Variants in CCND3 observed in about 807,000 individuals in gnomAD.
CCND3 encodes G1/S-specific cyclin-D3.
Under a neutral mutation model 28.7 loss-of-function variants are expected in CCND3, and 9 were observed. That is an observed-to-expected ratio of 0.31 (90% CI 0.19 to 0.55). CCND3 has a LOEUF of 0.55. CCND3 is among the 20% of genes least tolerant of loss of function. The pLI, the probability that CCND3 is intolerant of heterozygous loss-of-function variation, is 0.93. For missense variants in CCND3, 315 were observed against 385.8 expected, an observed-to-expected ratio of 0.82 and a Z score of 1.54; for synonymous variants, 164 against 163.9, an observed-to-expected ratio of 1.00 and a Z score of 0.00.
intron 1 of CCND3, among the ~76,000 whole-genome samples, chr6:41,991,022 G>C (rs1050364666): frequency 1.1e-4 from 16 of 151,710 alleles, no homozygotes; most frequent in African/African-American, 3.6e-4. Flanking sequence ...ACACTCACTG[G>C]GGAAAGGATA....
chr6:42,030,782 T>C (rs1468103571), intron 1 of CCND3, among the ~76,000 whole-genome samples: 2 of 152,124 alleles, frequency 1.3e-5, no homozygotes, highest in Non-Finnish European at 2.9e-5. Context: ...TCCTGAGTAC[T>C]CACTCCTTCC....
intron 1 of CCND3, among the ~76,000 whole-genome samples, chr6:41,947,067 A>G (rs1266900517): frequency 1.3e-5 from 2 of 151,378 alleles, no homozygotes; most frequent in Non-Finnish European, 2.9e-5. Flanking sequence ...AAAATACAAA[A>G]AAAATTAGCT....
rs1329203912 is a variant in CCND3, at chr6:41,935,431, G to C, written c.*509C>G. ...CCCCTCCCTCTAGGAGCAGCTGTCA[G>C]CACGGACTACATAGGGGCCTCCAAA... On this transcript the variant is annotated 3_prime_UTR_variant, in exon 5 of 5. Transcript: ENST00000372991. The C allele has an allele frequency of 4.0e-6, 1 of 247,630 alleles. No homozygotes were observed. The highest frequency in any genetic ancestry group is 2.2e-5 in the African/African-American group (1 of 45,884). The allele number at this position is 247,630 out of a possible 1,614,324, so 15.3% of individuals were successfully genotyped here.
chr6:41,944,610 CG>C (rs1202556167), upstream of CCND3, among the ~76,000 whole-genome samples: 2 of 152,014 alleles, frequency 1.3e-5, no homozygotes, highest in Non-Finnish European at 1.5e-5. Context: ...TCAGTAGATA[CG>C]GGATTTCACC....
chr6:42,047,762 T>C (rs1562003437), intron 1 of CCND3, among the ~76,000 whole-genome samples: 2 of 152,238 alleles, frequency 1.3e-5, no homozygotes, highest in Non-Finnish European at 2.9e-5. Context: ...AATCCAGTTC[T>C]GTGGAATAAG....
intron 1 of CCND3, among the ~76,000 whole-genome samples, chr6:41,989,235 G>C (rs1762582157): frequency 1.3e-5 from 2 of 151,996 alleles, no homozygotes; most frequent in Admixed American, 1.3e-4. Flanking sequence ...AAGGCGGGTG[G>C]ATCACCTGAG....
chr6:41,953,266 CAAA>C (rs35555377), intron 1 of CCND3, among the ~76,000 whole-genome samples: 39 of 140,604 alleles, frequency 2.8e-4, no homozygotes, highest in Non-Finnish European at 3.6e-4. Flanking sequence ...CTCCCTCTCA[CAAA>C]AAAAAAAAAA....
chr6:41,981,860 G>A (rs1041239405), intron 1 of CCND3, among the ~76,000 whole-genome samples: 2 of 152,102 alleles, frequency 1.3e-5, no homozygotes, highest in African/African-American at 2.4e-5. Flanking sequence ...TCAAAGCCAG[G>A]CACAGTAGCA....
chr6:41,962,292 G>T (rs1761740517), intron 1 of CCND3, among the ~76,000 whole-genome samples: 1 of 152,056 alleles, frequency 6.6e-6, no homozygotes, highest in Non-Finnish European at 1.5e-5. Context: ...TAGAGACAGG[G>T]TTTCACCATG....
intron 1 of CCND3, among the ~76,000 whole-genome samples, chr6:42,017,532 A>G (rs929558584): frequency 4.0e-5 from 6 of 151,892 alleles, no homozygotes; most frequent in African/African-American, 1.5e-4. Context: ...GCCACCCCAC[A>G]CCCTGCAAGC....
In CCND3 at chr6:42,037,694, G is replaced by A. The variant is rs142516273; in HGVS notation, c.-46+10807C>T. 2.6e-5 allele frequency among the ~76,000 whole-genome samples: 4 copies of A among 152,132 alleles called. No individual in the cohort carries two copies. In the East Asian group the frequency reaches 7.7e-4, roughly 29 times the overall value. On this transcript the variant is annotated intron_variant, in intron 1 of 4. Transcript: ENST00000372988. ...TCAAAAGCTTATATTATTTATTCCA[G>A]GGAATGCCATGTCGGGTGCACCGAT...
At chr6:42,012,693 T>C (rs1223933821) in intron 1 of CCND3, among the ~76,000 whole-genome samples, 2 of 152,208 alleles carry the variant, frequency 1.3e-5, no homozygotes, top group African/African-American at 4.8e-5. Flanking sequence ...CCCTTGGTGG[T>C]TGTTGGCTAT....
rs147191402 is a variant in CCND3 at position 42,036,033 on chromosome 6, C to G, written c.-46+12468G>C. ...TGAGACAGAGTCTTGCTCTGTCACC[C>G]AGGCTGGAGTGCATTGGCCCAATGT... On this transcript the variant is annotated intron_variant, in intron 1 of 4. Transcript: ENST00000372988. 5.6e-3 allele frequency among the ~76,000 whole-genome samples: 842 copies of G among 151,230 alleles called. 10 individuals carry two copies. The highest frequency in any genetic ancestry group is 0.018 in the African/African-American group (759 of 41,190).
chr6:42,025,460 G>A (rs796736742), intron 1 of CCND3, among the ~76,000 whole-genome samples: 3 of 152,330 alleles, frequency 2.0e-5, no homozygotes, highest in African/African-American at 4.8e-5. Context: ...AACACTGGAG[G>A]GACAGCTAGA....
Position 41,936,184 on chromosome 6 carries a change from T to TCC in CCND3, c.712-79_712-78dup, listed in dbSNP as rs1428284947. 2.1e-6 allele frequency: 3 copies of TCC among 1,457,804 alleles called. No individual in the cohort carries two copies. Among genetic ancestry groups the TCC allele is most frequent in the Admixed American group, 4.5e-5 (2 of 44,610 alleles). The allele number at this position is 1,457,804 out of a possible 1,614,324, so 90.3% of individuals were successfully genotyped here. A position where few individuals can be genotyped will look rare whatever the true frequency, so the allele number is the denominator to read the frequency against. ...GCAGCAGGTGCAGGGGAAGGACAGC[T>TCC]CCCAACACATGGGGAAGTCTGGGGA... On this transcript the variant is annotated intron_variant, in intron 4 of 4. Transcript: ENST00000372991. This position sits in a 1 kb window ranked among gnomAD's most constrained non-coding sequence, Gnocchi z 4.4.
intron 1 of CCND3, among the ~76,000 whole-genome samples, chr6:42,005,699 T>C (rs1179757408): frequency 1.3e-5 from 2 of 151,956 alleles, no homozygotes; most frequent in Non-Finnish European, 2.9e-5. Flanking sequence ...TTCTTATTTT[T>C]TTGAGATAAG....
At chr6:41,996,873 C>A (rs1386451417) in intron 1 of CCND3, among the ~76,000 whole-genome samples, 1 of 152,110 alleles carries the variant, frequency 6.6e-6, no homozygotes, top group Non-Finnish European at 1.5e-5. Flanking sequence ...CCATGTTGGC[C>A]AGGCTGGTCT....
chr6:42,042,348 G>A (rs569895767), intron 1 of CCND3, among the ~76,000 whole-genome samples: 7 of 147,580 alleles, frequency 4.7e-5, no homozygotes, highest in African/African-American at 7.5e-5. Context: ...TTAGGGAAGC[G>A]TAGGCTCGGA....
intron 1 of CCND3, among the ~76,000 whole-genome samples, chr6:41,972,245 GA>G (rs1762054992): frequency 8.8e-6 from 1 of 113,286 alleles, no homozygotes; most frequent in African/African-American, 3.6e-5. Context: ...AAAAAAAAAA[GA>G]AAAGAAAAGA....
Sources: gnomAD v4.1 joint callset for allele counts (sites outside exome capture counted in the v4.1 genomes callset) on GRCh38, gnomAD v4.1.1 for gene constraint, Gnocchi (gnomAD v3.1) non-coding constraint, MANE v1.5 for transcripts, NCBI Gene and HGNC (gene_info 2026-07-23, HGNC 2026-07-21) for gene names.